Variants in MAML2 observed in about 807,000 individuals in gnomAD.
The protein encoded by MAML2 is mastermind like transcriptional coactivator 2, also known as mastermind-like protein 2.
In MAML2, 22 loss-of-function variants were observed where a neutral mutation model predicts 96.1. That is an observed-to-expected ratio of 0.23 (90% CI 0.16 to 0.33). The LOEUF is 0.33. Among genes scored for constraint, MAML2 ranks in the 10% least tolerant of loss-of-function variants. MAML2 has a pLI of 1.00. For synonymous variants in MAML2, 561 were observed against 521.3 expected (o/e 1.08, Z -1.04); for missense variants, 1,367 against 1,392.4 (o/e 0.98, Z 0.29).
At chr11:96,320,859 T>C (rs775167266) in intron 1 of MAML2, among the ~76,000 whole-genome samples, 5 of 152,158 alleles carry the variant, frequency 3.3e-5, no homozygotes, top group African/African-American at 2.4e-5. Flanking sequence ...ACATATCATA[T>C]GACAAGGACC....
chr11:96,167,872 TTCC>T (rs919560577), intron 1 of MAML2, among the ~76,000 whole-genome samples: 2 of 152,228 alleles, frequency 1.3e-5, no homozygotes, highest in Non-Finnish European at 2.9e-5. Flanking sequence ...AGTTAATAAT[TTCC>T]TCCTAATTCT....
intron 2 of MAML2, among the ~76,000 whole-genome samples, chr11:96,050,186 A>G (rs1439367984): frequency 2.0e-5 from 3 of 152,206 alleles, no homozygotes; most frequent in Non-Finnish European, 4.4e-5. Context: ...AGATCTAAGG[A>G]AACTGACATC....
At chr11:96,285,341 C>G (rs1863124300) in intron 1 of MAML2, among the ~76,000 whole-genome samples, 1 of 152,092 alleles carries the variant, frequency 6.6e-6, no homozygotes, top group African/African-American at 2.4e-5. Flanking sequence ...GGATTAAAGA[C>G]TTAAATGTAA....
intron 2 of MAML2, among the ~76,000 whole-genome samples, chr11:96,073,448 G>A (rs1365543575): frequency 6.6e-6 from 1 of 151,294 alleles, no homozygotes; most frequent in Non-Finnish European, 1.5e-5. Flanking sequence ...AGCCTCCCAA[G>A]TAGCTGGGAC....
At chr11:96,045,240 A>G (rs1263603199) in intron 2 of MAML2, among the ~76,000 whole-genome samples, 1 of 152,126 alleles carries the variant, frequency 6.6e-6, no homozygotes, top group Non-Finnish European at 1.5e-5. Context: ...ATCAAGTTCT[A>G]TATTAACTGT....
At chr11:96,304,755 G>A (rs1398054429) in intron 1 of MAML2, among the ~76,000 whole-genome samples, 1 of 152,120 alleles carries the variant, frequency 6.6e-6, no homozygotes, top group Non-Finnish European at 1.5e-5. Context: ...ACTGCATAAA[G>A]TGCTCCAGAA....
rs764304082 is a variant in MAML2 at position 96,000,165 on chromosome 11, CAAT to C, written c.2140-8445_2140-8443del. On this transcript the variant is annotated intron_variant, in intron 2 of 4. Transcript: ENST00000524717. The stretch of plus-strand genomic sequence containing the variant: ...TTGTTTAACACAGCAACGACAACAA[CAAT>C]GACAACAAAACAATTGTCAGGAAAT... Among the ~76,000 whole-genome samples the C allele has an allele frequency of 1.8e-3, 269 of 152,228 alleles. 2 individuals are homozygous for C. Among genetic ancestry groups the C allele is most frequent in the Non-Finnish European group, 2.7e-3 (181 of 68,012 alleles).
At chr11:96,336,298 T>C (rs1028148083) in intron 1 of MAML2, among the ~76,000 whole-genome samples, 3 of 152,202 alleles carry the variant, frequency 2.0e-5, no homozygotes, top group Admixed American at 6.5e-5. Context: ...TTAAAAAGCC[T>C]TGTACATTCT....
chr11:96,074,655 G>T (rs932214154), intron 2 of MAML2, among the ~76,000 whole-genome samples: 1 of 152,240 alleles, frequency 6.6e-6, no homozygotes, highest in African/African-American at 2.4e-5. Flanking sequence ...GCATGGAGAC[G>T]CCCACCGGCT....
chr11:96,121,779 G>GTTTTTTTTTTTTTT (rs1405872923), intron 1 of MAML2, among the ~76,000 whole-genome samples: 3 of 40,808 alleles, frequency 7.4e-5, no homozygotes, highest in African/African-American at 3.2e-4. Context: ...CCAACTGCGT[G>GTTTTTTTTTTTTTT]ATTTTTTTTT....
intron 4 of MAML2, among the ~76,000 whole-genome samples, chr11:95,983,981 C>A (rs975775688): frequency 4.6e-5 from 7 of 152,140 alleles, no homozygotes; most frequent in African/African-American, 1.7e-4. Flanking sequence ...TAGGCCTTTG[C>A]ATTCACACGC....
chr11:96,116,445 G>A (rs1860243083), intron 1 of MAML2, among the ~76,000 whole-genome samples: 1 of 152,118 alleles, frequency 6.6e-6, no homozygotes, highest in Admixed American at 6.5e-5. Flanking sequence ...TATTGCAGTG[G>A]GACGCAAACA....
chr11:96,241,293 TA>T (rs1275680370), intron 1 of MAML2, among the ~76,000 whole-genome samples: 1 of 152,228 alleles, frequency 6.6e-6, no homozygotes, highest in Non-Finnish European at 1.5e-5. Flanking sequence ...TATTTCCTAC[TA>T]GGTGGTCCTT....
intron 1 of MAML2, among the ~76,000 whole-genome samples, chr11:96,297,937 C>T (rs1340487527): frequency 6.6e-6 from 1 of 152,070 alleles, no homozygotes; most frequent in Non-Finnish European, 1.5e-5. Flanking sequence ...TTCAAATTTA[C>T]CAGGCCACCT....
At chr11:96,278,973 AG>A (rs1338773692) in intron 1 of MAML2, among the ~76,000 whole-genome samples, 1 of 152,202 alleles carries the variant, frequency 6.6e-6, no homozygotes, top group African/African-American at 2.4e-5. Flanking sequence ...AGGGAGGACT[AG>A]AAGAGATATT....
intron 2 of MAML2, among the ~76,000 whole-genome samples, chr11:96,029,581 G>A (rs940552482): frequency 2.6e-5 from 4 of 152,074 alleles, no homozygotes; most frequent in Non-Finnish European, 5.9e-5. Flanking sequence ...GTTGGAACAG[G>A]GTAACGGATG....
intron 1 of MAML2, among the ~76,000 whole-genome samples, chr11:96,274,725 A>AT (rs1862963192): frequency 6.6e-6 from 1 of 152,208 alleles, no homozygotes; most frequent in South Asian, 2.1e-4. Context: ...CATGAGCTAT[A>AT]TAGCTCATAT....
intron 2 of MAML2, among the ~76,000 whole-genome samples, chr11:96,043,841 ACT>A (rs1280205274): frequency 6.6e-6 from 1 of 152,268 alleles, no homozygotes; most frequent in Non-Finnish European, 1.5e-5. Context: ...TAACTATCCT[ACT>A]AAGAAGAAAA....
intron 2 of MAML2, among the ~76,000 whole-genome samples, chr11:96,026,189 C>T (rs1165265134): frequency 6.6e-6 from 1 of 152,230 alleles, no homozygotes; most frequent in Non-Finnish European, 1.5e-5. Context: ...TTATCAGTCT[C>T]CTCCTCTCCC....
Sources: allele counts gnomAD v4.1 joint callset (sites outside exome capture counted in the v4.1 genomes callset), GRCh38; gene constraint gnomAD v4.1.1; transcripts MANE v1.5; gene names NCBI Gene and HGNC (gene_info 2026-07-23, HGNC 2026-07-21).